C9orf152: variants seen among roughly 807,000 people sequenced by gnomAD.
C9orf152 encodes uncharacterized protein C9orf152.
C9orf152 carries 8 observed loss-of-function variants against 8.5 expected under a neutral mutation model. The ratio of observed to expected loss-of-function variants is 0.94; its 90% CI spans 0.55 to 1.70. The LOEUF (loss-of-function observed/expected upper bound fraction) is 1.70, where lower values mean the gene tolerates loss of function less well. C9orf152 is among the 40% of genes most tolerant of loss of function. C9orf152 has a pLI of 0.00. For missense variants in C9orf152, 293 were observed against 286.2 expected (o/e 1.02, Z -0.17); for synonymous variants, 109 against 113.0 (o/e 0.96, Z 0.22).
chr9:110,205,194 G>T (rs563521209), intron 1 of C9orf152, among the ~76,000 whole-genome samples: 1 of 152,224 alleles, frequency 6.6e-6, no homozygotes, highest in African/African-American at 2.4e-5. Context: ...GATCCAGGCT[G>T]GATGGAAGGT....
chr9:110,201,978 A>T (rs915707453), intron 1 of C9orf152, among the ~76,000 whole-genome samples: 1 of 152,152 alleles, frequency 6.6e-6, no homozygotes, highest in Non-Finnish European at 1.5e-5. Flanking sequence ...AAGGAACAAG[A>T]GCACACACAG....
intron 1 of C9orf152, among the ~76,000 whole-genome samples, chr9:110,205,811 T>C (rs1387435365): frequency 6.6e-6 from 1 of 152,080 alleles, no homozygotes; most frequent in Non-Finnish European, 1.5e-5. Context: ...CCCAGCACTT[T>C]TGAAGGTCGA....
chr9:110,207,716 G>C lies in C9orf152; in HGVS notation c.-137C>G, dbSNP rs1352252928. ...AAAGAGGAGTGGGACTGAGGAAGGA[G>C]ATAGAAAAATAAGGGGGAAGGAGAA... On this transcript the variant is annotated 5_prime_UTR_variant, in exon 1 of 2. It adds an upstream start codon to the 5' untranslated region. Coordinates refer to ENST00000400613, the MANE Select transcript of C9orf152 (RefSeq NM_001012993.3). 1.7e-6 allele frequency: 1 copy of C among 589,852 alleles called. No individual in the cohort carries two copies. Among genetic ancestry groups the C allele is most frequent in the African/African-American group, 2.0e-5 (1 of 50,988 alleles). The allele number at this position is 589,852 out of a possible 1,614,324, so 36.5% of individuals were successfully genotyped here.
At chr9:110,201,500 T>C in intron 1 of C9orf152, 26 bp from the exon 2 acceptor site, 1 of 1,498,986 alleles carries the variant, frequency 6.7e-7, no homozygotes, top group South Asian at 1.4e-5. Flanking sequence ...ACCAGCAGGG[T>C]CATCACTGGA....
intron 1 of C9orf152, among the ~76,000 whole-genome samples, chr9:110,206,198 A>G (rs1587906401): frequency 1.3e-5 from 2 of 152,096 alleles, no homozygotes; most frequent in East Asian, 3.9e-4. Flanking sequence ...CCTAGTAATG[A>G]TGGGAAAGGG....
intron 1 of C9orf152, among the ~76,000 whole-genome samples, chr9:110,204,538 C>T (rs951334825): frequency 6.6e-6 from 1 of 152,190 alleles, no homozygotes; most frequent in African/African-American, 2.4e-5. Flanking sequence ...TCACGGTCCT[C>T]TAAAATCCCT....
intron 1 of C9orf152, among the ~76,000 whole-genome samples, chr9:110,206,067 A>AAG (rs1368209589): frequency 6.6e-6 from 1 of 151,430 alleles, no homozygotes; most frequent in Non-Finnish European, 1.5e-5. Context: ...TCAAAAAAAA[A>AAG]AAAATGTGGA....
chr9:110,207,374 T>A lies in C9orf152; in HGVS notation c.193+13A>T. The A allele has an allele frequency of 1.9e-6, 3 of 1,609,328 alleles. No individual in the cohort carries two copies. The highest frequency in any genetic ancestry group is 2.5e-6 in the Non-Finnish European group (3 of 1,178,112). ...GGTAAGTCTCTCCTTCCCCAGCACC[T>A]GTCCATTCCTACCTTTTGGAAGCAC... On this transcript the variant is annotated intron_variant, in intron 1 of 1. Coordinates refer to ENST00000400613, the MANE Select transcript of C9orf152 (RefSeq NM_001012993.3).
intron 1 of C9orf152, among the ~76,000 whole-genome samples, chr9:110,201,878 T>C (rs148841437): frequency 1.3e-5 from 2 of 152,000 alleles, no homozygotes; most frequent in East Asian, 3.9e-4. Flanking sequence ...CAATGGAAAA[T>C]CTCAAGCATA....
rs769303240 is a variant in C9orf152 at position 110,207,545 on chromosome 9, G to A, written c.35C>T (p.Pro12Leu). ...EGLPCPCPAL[P>L]HFWQLRSHLM... is the part of the protein sequence containing the mutation. ...GTGAGACCTAAGCTGCCAGAAGTGG[G>A]GCAGGGCTGGGCACGGGCAGGGCAA... The change falls in exon 1 of 2, where the codon CCC (proline) becomes CTC (leucine). Residue 12 changes from proline to leucine, a missense_variant. Transcript: ENST00000400613. 1 of 1,603,106 alleles carries A rather than the reference G, an allele frequency of 6.2e-7. No individual in the cohort carries two copies. Among genetic ancestry groups the A allele is most frequent in the South Asian group, 1.1e-5 (1 of 89,184 alleles).
chr9:110,202,752 G>A (rs907132404), intron 1 of C9orf152, among the ~76,000 whole-genome samples: 3 of 152,026 alleles, frequency 2.0e-5, no homozygotes, highest in Non-Finnish European at 2.9e-5. Context: ...TATCTGTTCC[G>A]GCACCTGTTA....
chr9:110,205,473 C>G (rs2118504362), intron 1 of C9orf152, among the ~76,000 whole-genome samples: 1 of 152,240 alleles, frequency 6.6e-6, no homozygotes, highest in South Asian at 2.1e-4. Context: ...AGTGGCCTTC[C>G]TACTTAGATA....
intron 1 of C9orf152, among the ~76,000 whole-genome samples, chr9:110,206,461 C>T (rs1267804501): frequency 1.3e-5 from 2 of 152,246 alleles, no homozygotes; most frequent in Non-Finnish European, 2.9e-5. Flanking sequence ...AGTTTATGCC[C>T]TGCAGAGATG....
At position 110,200,862 on chromosome 9, in the gene C9orf152, A is replaced by G; in HGVS notation, c.*86T>C. ...TAGTCCAGTTCTTGCTCATAGCTAG[A>G]GACCTCGTTGTGGCTCTGCCTCCTT... is the stretch of plus-strand genomic sequence containing the variant. On this transcript the variant is annotated 3_prime_UTR_variant, in exon 2 of 2. Transcript: ENST00000400613. 1 of 1,337,140 alleles carries G rather than the reference A, an allele frequency of 7.5e-7. No individual in the cohort carries two copies. The highest frequency in any genetic ancestry group is 2.3e-5 in the East Asian group (1 of 43,340). The allele number at this position is 1,337,140 out of a possible 1,614,324, so 82.8% of individuals were successfully genotyped here.
At position 110,208,017 on chromosome 9, in the gene C9orf152, A is replaced by C; in HGVS notation, c.-438T>G. ...GGGGAGGACTGGGGGAGCAAAGAGA[A>C]AGGCAAGCCCAGCTGCTCAGAGCCC... On this transcript the variant is annotated 5_prime_UTR_variant, in exon 1 of 2. Transcript: ENST00000400613. The C allele has an allele frequency of 5.7e-6, 1 of 176,074 alleles. No homozygotes were observed. The highest frequency in any genetic ancestry group is 1.2e-5 in the Non-Finnish European group (1 of 84,970). The allele number at this position is 176,074 out of a possible 1,614,324, so 10.9% of individuals were successfully genotyped here.
intron 1 of C9orf152, among the ~76,000 whole-genome samples, chr9:110,205,930 G>A (rs1209165345): frequency 6.6e-6 from 1 of 152,082 alleles, no homozygotes; most frequent in Non-Finnish European, 1.5e-5. Context: ...GGTGGCAGGT[G>A]CCTGTAATCC....
Position 110,200,848 on chromosome 9 carries a change from T to C in C9orf152, c.*100A>G, listed in dbSNP as rs1363886697. The stretch of plus-strand genomic sequence containing the variant: ...TCCTATAATTAGGTTAGTCCAGTTC[T>C]TGCTCATAGCTAGAGACCTCGTTGT... On this transcript the variant is annotated 3_prime_UTR_variant, in exon 2 of 2. Coordinates refer to ENST00000400613, the MANE Select transcript of C9orf152 (RefSeq NM_001012993.3). 1 of 1,188,698 alleles carries C rather than the reference T, an allele frequency of 8.4e-7. No individual in the cohort carries two copies. Among genetic ancestry groups the C allele is most frequent in the East Asian group, 2.3e-5 (1 of 42,628 alleles). 73.6% of individuals were successfully genotyped at this position (1,188,698 alleles called of 1,614,324 possible). A position where few individuals can be genotyped will look rare whatever the true frequency, so the allele number is the denominator to read the frequency against.
At chr9:110,201,867 G>A (rs116791543) in intron 1 of C9orf152, among the ~76,000 whole-genome samples, 1,889 of 152,230 alleles carry the variant, frequency 0.012, 46 homozygotes, top group African/African-American at 0.043. Flanking sequence ...GGCAATCAAT[G>A]CAATGGAAAA....
At position 110,207,615 on chromosome 9, in the gene C9orf152, G is replaced by T. The variant is rs1313416309; in HGVS notation, c.-36C>A. The T allele has an allele frequency of 1.7e-5, 26 of 1,514,336 alleles. No homozygotes were observed. The highest frequency in any genetic ancestry group is 2.3e-5 in the Non-Finnish European group (26 of 1,131,724). 93.8% of individuals were successfully genotyped at this position (1,514,336 alleles called of 1,614,324 possible). A position where few individuals can be genotyped will look rare whatever the true frequency, so the allele number is the denominator to read the frequency against. On this transcript the variant is annotated 5_prime_UTR_variant, in exon 1 of 2. Transcript: ENST00000400613. ...GAGAAAAGCAAACACAGCTGGGTGG[G>T]GCAGGACCTGGGGAGGGGAGAGAGA...
Sources: gnomAD v4.1 joint callset for allele counts (sites outside exome capture counted in the v4.1 genomes callset) on GRCh38, gnomAD v4.1.1 for gene constraint, MANE v1.5 for transcripts, NCBI Gene and HGNC (gene_info 2026-07-23, HGNC 2026-07-21) for gene names.